The following TENM2 variants were observed in gnomAD, a reference collection of about 807,000 sequenced individuals.
The protein encoded by TENM2 is teneurin-2.
TENM2 carries 52 observed loss-of-function variants against 245.2 expected under a neutral mutation model. The observed-to-expected ratio is 0.21, with a 90% CI of 0.17 to 0.27. TENM2 has a LOEUF of 0.27. Ranked by LOEUF, TENM2 falls within the 10% of genes least tolerant of loss-of-function variation. The pLI is 1.00. For missense variants in TENM2, 3,046 were observed against 3,666.8 expected (o/e 0.83, Z 4.37); for synonymous variants, 1,363 against 1,438.9 (o/e 0.95, Z 1.19).
chr5:167,659,432 A>G (rs934014155), intron 2 of TENM2, among the ~76,000 whole-genome samples: 2 of 152,234 alleles, frequency 1.3e-5, no homozygotes, highest in Admixed American at 1.3e-4. Flanking sequence ...ATAAAATCAT[A>G]AATCAATAAG....
chr5:167,140,752 TC>T, the TENM2 span, among the ~76,000 whole-genome samples: 4 of 152,166 alleles, frequency 2.6e-5, no homozygotes, highest in African/African-American at 9.7e-5. Flanking sequence ...TTTCTGATTC[TC>T]TCAGATTCTG....
intron 3 of TENM2, among the ~76,000 whole-genome samples, chr5:167,939,316 A>G (rs1001660063): frequency 6.6e-6 from 1 of 152,110 alleles, no homozygotes; most frequent in Non-Finnish European, 1.5e-5. Flanking sequence ...TAGGGTTCAC[A>G]CTCCTCTGAA....
At chr5:167,517,919 G>A (rs1215681000) in intron 2 of TENM2, among the ~76,000 whole-genome samples, 1 of 152,086 alleles carries the variant, frequency 6.6e-6, no homozygotes, top group Admixed American at 6.6e-5. Context: ...CGGGCACCGT[G>A]GCTCATGTCT....
intron 2 of TENM2, among the ~76,000 whole-genome samples, chr5:167,460,017 C>T (rs1040385803): frequency 1.3e-5 from 2 of 151,750 alleles, no homozygotes; most frequent in Admixed American, 1.3e-4. Context: ...ATGAAAAATA[C>T]GACACATTGA....
chr5:167,715,317 A>G (rs1029035849), intron 2 of TENM2, among the ~76,000 whole-genome samples: 2 of 152,130 alleles, frequency 1.3e-5, no homozygotes, highest in Admixed American at 6.5e-5. Context: ...GGGAGAAAAT[A>G]TCTACAAAAA....
intron 2 of TENM2, among the ~76,000 whole-genome samples, chr5:167,829,353 G>A (rs189208439): frequency 1.4e-4 from 21 of 152,266 alleles, no homozygotes; most frequent in South Asian, 4.1e-4. Context: ...AAAACCCCTA[G>A]CACCACAATC....
At chr5:167,836,587 C>T (rs1205052135) in intron 2 of TENM2, among the ~76,000 whole-genome samples, 2 of 152,160 alleles carry the variant, frequency 1.3e-5, no homozygotes, top group Admixed American at 6.5e-5. Flanking sequence ...ACACTTGTAA[C>T]CATGTTCACC....
chr5:167,892,718 A>G (rs1035361000), intron 3 of TENM2, among the ~76,000 whole-genome samples: 1 of 151,782 alleles, frequency 6.6e-6, no homozygotes, highest in Admixed American at 6.6e-5. Context: ...TTCTGCAAAA[A>G]CCCTCTCTTA....
intron 2 of TENM2, among the ~76,000 whole-genome samples, chr5:167,857,090 A>T (rs148116740): frequency 7.2e-5 from 11 of 152,264 alleles, no homozygotes; most frequent in African/African-American, 2.4e-4. Flanking sequence ...TATTCAATAC[A>T]TATGTGTTCA....
intron 2 of TENM2, among the ~76,000 whole-genome samples, chr5:167,609,601 G>T (rs541198285): frequency 6.0e-5 from 9 of 151,214 alleles, no homozygotes; most frequent in Non-Finnish European, 1.3e-4. Flanking sequence ...CCCTTTATAA[G>T]GTCAAGTGAA....
intron 2 of TENM2, among the ~76,000 whole-genome samples, chr5:167,576,256 C>T (rs369908775): frequency 1.3e-5 from 2 of 151,732 alleles, no homozygotes; most frequent in Non-Finnish European, 2.9e-5. Context: ...TATCCTTACT[C>T]AAACTATTTG....
At chr5:167,533,468 G>C (rs1485039826) in intron 2 of TENM2, among the ~76,000 whole-genome samples, 1 of 152,086 alleles carries the variant, frequency 6.6e-6, no homozygotes, top group Non-Finnish European at 1.5e-5. Flanking sequence ...TTTTGAGACA[G>C]AGTCTCAGCC....
chr5:167,338,644 A>G (rs1038803096), intron 1 of TENM2, among the ~76,000 whole-genome samples: 5 of 152,162 alleles, frequency 3.3e-5, no homozygotes, highest in Admixed American at 1.3e-4. Context: ...AGGGAAGGTA[A>G]CCCCAATTAT....
chr5:167,263,492 C>CTATGAATT, the TENM2 span, among the ~76,000 whole-genome samples: 2 of 152,180 alleles, frequency 1.3e-5, no homozygotes, highest in Non-Finnish European at 2.9e-5. Context: ...GGACAGAATT[C>CTATGAATT]TATGAATTCC....
chr5:167,854,124 A>G (rs1050680252), intron 2 of TENM2, among the ~76,000 whole-genome samples: 1 of 152,240 alleles, frequency 6.6e-6, no homozygotes, highest in Non-Finnish European at 1.5e-5. Context: ...TAGTTCTCCT[A>G]TAAATAATGA....
chr5:167,489,122 C>T (rs529772950), intron 2 of TENM2, among the ~76,000 whole-genome samples: 8 of 152,322 alleles, frequency 5.3e-5, no homozygotes, highest in African/African-American at 1.9e-4. Context: ...TACTTTGATT[C>T]TTGCCCTTAC....
chr5:167,368,738 G>A (rs1760216157), intron 1 of TENM2, among the ~76,000 whole-genome samples: 1 of 152,108 alleles, frequency 6.6e-6, no homozygotes, highest in Non-Finnish European at 1.5e-5. Context: ...GGAAGGGGGT[G>A]CAGTGAAAGA....
chr5:168,176,554 G>GA (rs1345208430), intron 13 of TENM2, among the ~76,000 whole-genome samples: 4 of 152,106 alleles, frequency 2.6e-5, no homozygotes, highest in African/African-American at 9.7e-5. Flanking sequence ...GTCTAAAGCA[G>GA]AAAATCCCCT....
chr5:167,534,982 G>A (rs1771755487), intron 2 of TENM2, among the ~76,000 whole-genome samples: 1 of 152,114 alleles, frequency 6.6e-6, no homozygotes, highest in Non-Finnish European at 1.5e-5. Flanking sequence ...TAACACAGTA[G>A]TTCTAGGTTA....
Sources: gnomAD v4.1 joint callset for allele counts (sites outside exome capture counted in the v4.1 genomes callset) on GRCh38, gnomAD v4.1.1 for gene constraint, MANE v1.5 for transcripts, NCBI Gene and HGNC (gene_info 2026-07-23, HGNC 2026-07-21) for gene names.